Variants in SUSD6 observed in about 807,000 individuals in gnomAD.
SUSD6 encodes sushi domain containing 6.
In SUSD6, 16 loss-of-function variants were observed where a neutral mutation model predicts 28.4. The ratio of observed to expected loss-of-function variants is 0.56; its 90% confidence interval spans 0.38 to 0.86. The LOEUF is 0.86. Among genes scored for constraint, SUSD6 ranks in the 40% least tolerant of loss-of-function variants. The pLI is 0.00. For synonymous variants in SUSD6, 147 were observed against 159.6 expected (o/e 0.92, Z 0.59); for missense variants, 341 against 384.2 (o/e 0.89, Z 0.94).
At chr14:69,628,250 T>G (rs185082497) in intron 1 of SUSD6, among the ~76,000 whole-genome samples, 2 of 152,242 alleles carry the variant, frequency 1.3e-5, no homozygotes, top group Admixed American at 1.3e-4. Context: ...GACTCTGAAC[T>G]CTGTTTTCCC....
In SUSD6 at chr14:69,707,779, AT is replaced by A. The variant is rs553746729; in HGVS notation, c.459-897del. ...AAACAATTTTTTTAATTAAAAAAAA[AT>A]ATATGCAAAACTAAACCACAGTGTT... On this transcript the variant is annotated intron_variant, in intron 4 of 5. Coordinates refer to ENST00000342745, the MANE Select transcript of SUSD6 (RefSeq NM_014734.4). 2.7e-4 allele frequency among the ~76,000 whole-genome samples: 41 copies of A among 152,324 alleles called. No individual in the cohort carries two copies. In the South Asian group the frequency reaches 4.6e-3, roughly 17 times the overall value.
chr14:69,627,628 C>T (rs1885133267), intron 1 of SUSD6, among the ~76,000 whole-genome samples: 1 of 151,990 alleles, frequency 6.6e-6, no homozygotes, highest in African/African-American at 2.4e-5. Flanking sequence ...CCACGCCTGG[C>T]TAATTTTTTG....
intron 2 of SUSD6, among the ~76,000 whole-genome samples, chr14:69,676,898 G>A (rs1751582988): frequency 6.6e-6 from 1 of 152,242 alleles, no homozygotes; most frequent in South Asian, 2.1e-4. Context: ...GGCAGAAACT[G>A]TTTGGTCAGT....
intron 5 of SUSD6, 123 bp from the exon 6 acceptor site, chr14:69,710,830 TG>T: frequency 1.1e-6 from 1 of 875,408 alleles, no homozygotes. Context: ...AGTGTATGAG[TG>T]GGACATTTAC....
chr14:69,674,912 G>A (rs1217142260), intron 2 of SUSD6, among the ~76,000 whole-genome samples: 1 of 152,182 alleles, frequency 6.6e-6, no homozygotes, highest in Non-Finnish European at 1.5e-5. Context: ...TTGAAACAGG[G>A]AAGATTAAAG....
intron 1 of SUSD6, among the ~76,000 whole-genome samples, chr14:69,618,476 C>G (rs1316199258): frequency 1.3e-5 from 2 of 152,212 alleles, no homozygotes; most frequent in African/African-American, 4.8e-5. Flanking sequence ...TAGATCCCTA[C>G]TAAAAGCTCT....
intron 2 of SUSD6, among the ~76,000 whole-genome samples, chr14:69,668,848 C>T (rs2139621533): frequency 6.6e-6 from 1 of 151,704 alleles, no homozygotes; most frequent in Non-Finnish European, 1.5e-5. Flanking sequence ...CACCCCCTCC[C>T]CACCTCCACT....
chr14:69,662,767 C>A (rs972801142), intron 2 of SUSD6, among the ~76,000 whole-genome samples: 4 of 152,222 alleles, frequency 2.6e-5, no homozygotes, highest in African/African-American at 9.6e-5. Flanking sequence ...TCTTAAGAAA[C>A]TTGCTGTATG....
chr14:69,633,627 A>G (rs1273860402), intron 1 of SUSD6, among the ~76,000 whole-genome samples: 2 of 152,252 alleles, frequency 1.3e-5, no homozygotes, highest in East Asian at 1.9e-4. Context: ...AAATAGCTGC[A>G]GCTTATTCTT....
intron 2 of SUSD6, among the ~76,000 whole-genome samples, chr14:69,689,133 C>T (rs963118506): frequency 2.0e-5 from 3 of 152,204 alleles, no homozygotes; most frequent in Admixed American, 6.5e-5. Flanking sequence ...TCCTACTTCC[C>T]GTGAAGTTGG....
chr14:69,693,738 T>G (rs1886184691), intron 2 of SUSD6, among the ~76,000 whole-genome samples: 1 of 152,226 alleles, frequency 6.6e-6, no homozygotes, highest in Admixed American at 6.5e-5. Flanking sequence ...TGCTAAGGAC[T>G]AAGGCTCAGA....
chr14:69,642,728 A>G (rs958482962), intron 1 of SUSD6, among the ~76,000 whole-genome samples: 1 of 149,996 alleles, frequency 6.7e-6, no homozygotes, highest in South Asian at 2.1e-4. Context: ...GGTTGGGGAC[A>G]CAGCCAAACC....
chr14:69,632,446 G>C (rs571679331), intron 1 of SUSD6, among the ~76,000 whole-genome samples: 1 of 151,848 alleles, frequency 6.6e-6, no homozygotes, highest in Non-Finnish European at 1.5e-5. Context: ...CACTTCCCTC[G>C]TGGCTTTTAA....
At chr14:69,644,111 T>G (rs1458815237) in intron 1 of SUSD6, among the ~76,000 whole-genome samples, 2 of 152,204 alleles carry the variant, frequency 1.3e-5, no homozygotes, top group Non-Finnish European at 2.9e-5. Flanking sequence ...CAATATACAG[T>G]AGACCGTAAA....
At chr14:69,654,207 T>C (rs1488360209) in intron 1 of SUSD6, among the ~76,000 whole-genome samples, 1 of 152,228 alleles carries the variant, frequency 6.6e-6, no homozygotes, top group African/African-American at 2.4e-5. Context: ...ATGTACATCT[T>C]GTCTGCTCCA....
intron 1 of SUSD6, among the ~76,000 whole-genome samples, chr14:69,626,796 G>C (rs1440809186): frequency 2.0e-5 from 3 of 151,418 alleles, no homozygotes; most frequent in Non-Finnish European, 4.4e-5. Flanking sequence ...TATCTTCCCA[G>C]CTCAGCCTCC....
Position 69,713,566 on chromosome 14 carries a change from C to G in SUSD6, c.*2587C>G, listed in dbSNP as rs868096555. 1 of 152,378 alleles carries G rather than the reference C, an allele frequency of 6.6e-6. No homozygotes were observed. The highest frequency in any genetic ancestry group is 2.4e-5 in the African/African-American group (1 of 41,564). 9.4% of individuals were successfully genotyped at this position (152,378 alleles called of 1,614,324 possible). ...TATTTCTAGGGCTTCTGGGCTTTGT[C>G]CCTTACTGAGAGATTAGGGACTCCA... On this transcript the variant is annotated 3_prime_UTR_variant, in exon 6 of 6. Transcript: ENST00000342745.
chr14:69,701,390 T>G (rs536576666), intron 2 of SUSD6, among the ~76,000 whole-genome samples: 1 of 152,284 alleles, frequency 6.6e-6, no homozygotes, highest in Non-Finnish European at 1.5e-5. Flanking sequence ...GGGTCCTGCC[T>G]GCTTTCAGGA....
intron 2 of SUSD6, among the ~76,000 whole-genome samples, chr14:69,666,394 T>G (rs1885742338): frequency 6.6e-6 from 1 of 152,136 alleles, no homozygotes; most frequent in African/African-American, 2.4e-5. Flanking sequence ...ACATTTGGAG[T>G]CAGTTTTGAA....
Sources: allele counts gnomAD v4.1 joint callset (sites outside exome capture counted in the v4.1 genomes callset), GRCh38; gene constraint gnomAD v4.1.1; transcripts MANE v1.5; gene names NCBI Gene and HGNC (gene_info 2026-07-23, HGNC 2026-07-21).